MAP3K7CL: variants seen among roughly 807,000 people sequenced by gnomAD.
MAP3K7CL encodes the protein MAP3K7 C-terminal-like protein.
A neutral mutation model predicts 18.6 loss-of-function variants in MAP3K7CL; 16 were observed. The ratio of observed to expected loss-of-function variants is 0.86; its 90% CI spans 0.58 to 1.31. MAP3K7CL has a LOEUF of 1.31. Ranked by LOEUF, MAP3K7CL falls within the 50% of genes most tolerant of loss-of-function variation. The pLI is 0.00. For missense variants in MAP3K7CL, 163 were observed against 174.4 expected (o/e 0.93, Z 0.37); for synonymous variants, 65 against 66.8 (o/e 0.97, Z 0.13).
At chr21:29,106,926 G>A (rs1015136246) in intron 4 of MAP3K7CL, among the ~76,000 whole-genome samples, 9 of 152,122 alleles carry the variant, frequency 5.9e-5, no homozygotes, top group Middle Eastern at 3.2e-3. Context: ...TCCAAGCTGC[G>A]GCTTGTTGGG....
At chr21:29,149,349 C>T (rs2087217997) in intron 3 of MAP3K7CL, 99 bp downstream of exon 3, 1 of 1,031,702 alleles carries the variant, frequency 9.7e-7, no homozygotes, top group African/African-American at 1.6e-5. Context: ...CTGACTTGGA[C>T]CCAGAATGTG....
intron 4 of MAP3K7CL, chr21:29,102,576 C>T (rs1362269791): frequency 2.0e-5 from 3 of 150,254 alleles, no homozygotes; most frequent in African/African-American, 7.4e-5. Flanking sequence ...CTCCGCCTCT[C>T]AAAGTGCTGG....
intron 4 of MAP3K7CL, among the ~76,000 whole-genome samples, chr21:29,115,036 G>T (rs1488969437): frequency 6.6e-6 from 1 of 152,136 alleles, no homozygotes; most frequent in Non-Finnish European, 1.5e-5. Context: ...ATTTATTTAT[G>T]TTTGCCCATT....
At chr21:29,100,964 G>T (rs1435108295) in intron 4 of MAP3K7CL, among the ~76,000 whole-genome samples, 3 of 150,928 alleles carry the variant, frequency 2.0e-5, no homozygotes, top group African/African-American at 4.9e-5. Flanking sequence ...CGCCCGCCTC[G>T]GCCTCCCAAA....
chr21:29,143,793 G>C (rs551597957), intron 2 of MAP3K7CL, among the ~76,000 whole-genome samples: 13 of 152,276 alleles, frequency 8.5e-5, no homozygotes, highest in African/African-American at 3.1e-4. Flanking sequence ...ACGATGGGGA[G>C]CACAGTGGGA....
At chr21:29,137,151 G>A (rs924360125) in intron 2 of MAP3K7CL, among the ~76,000 whole-genome samples, 2 of 152,204 alleles carry the variant, frequency 1.3e-5, no homozygotes, top group South Asian at 4.1e-4. Context: ...TGGAGTATAA[G>A]GGAAATGTAA....
intron 2 of MAP3K7CL, chr21:29,145,513 C>T (rs2087109117): frequency 6.6e-6 from 1 of 152,366 alleles, no homozygotes; most frequent in South Asian, 2.1e-4. Context: ...GATTCATCAT[C>T]CTGCTTTTAG....
chr21:29,153,755 T>C (rs1404403263), intron 3 of MAP3K7CL, among the ~76,000 whole-genome samples: 1 of 152,166 alleles, frequency 6.6e-6, no homozygotes, highest in Non-Finnish European at 1.5e-5. Context: ...AGCCATTACT[T>C]TTCTTCAGGT....
chr21:29,109,697 C>T, intron 4 of MAP3K7CL: 1 of 987,234 alleles, frequency 1.0e-6, no homozygotes, highest in Non-Finnish European at 1.2e-6. Flanking sequence ...TCTCGGCTCA[C>T]TGCAACCTTA....
chr21:29,092,296 G>T, intron 3 of MAP3K7CL: 1 of 586,196 alleles, frequency 1.7e-6, no homozygotes, highest in Non-Finnish European at 2.5e-6. Flanking sequence ...AACCTTTCCA[G>T]ATTTAAACCA....
upstream of MAP3K7CL, among the ~76,000 whole-genome samples, chr21:29,129,595 C>T (rs761557473): frequency 1.3e-5 from 2 of 152,178 alleles, no homozygotes; most frequent in Non-Finnish European, 2.9e-5. Flanking sequence ...AACTTGGTTG[C>T]TTCCAAATTT....
chr21:29,125,979 A>G (rs552606533), upstream of MAP3K7CL, among the ~76,000 whole-genome samples: 98 of 152,376 alleles, frequency 6.4e-4, no homozygotes, highest in African/African-American at 2.3e-3. Flanking sequence ...TGCTTCATAG[A>G]AAAGCAGGGT....
chr21:29,167,693 ATTTTTTTTTT>A (rs35549023), intron 4 of MAP3K7CL, among the ~76,000 whole-genome samples: 1 of 107,522 alleles, frequency 9.3e-6, no homozygotes, highest in African/African-American at 4.1e-5. Context: ...AGAAGGACCA[ATTTTTTTTTT>A]TTTTTTTTTT....
At chr21:29,081,961 G>T (rs927749118), upstream of MAP3K7CL, among the ~76,000 whole-genome samples, 2 of 152,200 alleles carry the variant, frequency 1.3e-5, no homozygotes, top group African/African-American at 4.8e-5. Flanking sequence ...ATTGAACCCA[G>T]TCCTGATTCT....
chr21:29,171,955 C>G (rs1351033086), intron 4 of MAP3K7CL, among the ~76,000 whole-genome samples: 1 of 151,570 alleles, frequency 6.6e-6, no homozygotes, highest in Non-Finnish European at 1.5e-5. Context: ...TACATATATA[C>G]ATATGTGTAT....
intron 3 of MAP3K7CL, among the ~76,000 whole-genome samples, chr21:29,158,343 G>A (rs146395508): frequency 1.1e-3 from 163 of 152,296 alleles, no homozygotes; most frequent in African/African-American, 3.8e-3. Flanking sequence ...ATTGAATCCC[G>A]TATAGAAAGG....
At chr21:29,135,544 C>A (rs2086867156) in intron 2 of MAP3K7CL, among the ~76,000 whole-genome samples, 1 of 152,130 alleles carries the variant, frequency 6.6e-6, no homozygotes, top group African/African-American at 2.4e-5. Flanking sequence ...TTAACAGGAA[C>A]TTAATTTATG....
At chr21:29,144,937 TA>T (rs967609794) in intron 2 of MAP3K7CL, among the ~76,000 whole-genome samples, 38 of 152,310 alleles carry the variant, frequency 2.5e-4, no homozygotes, top group African/African-American at 8.7e-4. Flanking sequence ...GGGCTGTCAG[TA>T]AGAAAGTTCT....
chr21:29,128,526 T>A (rs1452008563), upstream of MAP3K7CL, among the ~76,000 whole-genome samples: 2 of 152,102 alleles, frequency 1.3e-5, no homozygotes, highest in African/African-American at 4.8e-5. Context: ...ATGGTCTCGA[T>A]CTCCTGACCT....
Sources: gnomAD v4.1 joint callset for allele counts (sites outside exome capture counted in the v4.1 genomes callset) on GRCh38, gnomAD v4.1.1 for gene constraint, MANE v1.5 for transcripts, NCBI Gene and HGNC (gene_info 2026-07-23, HGNC 2026-07-21) for gene names.